The following ESRP1 variants were observed in gnomAD, a reference collection of about 807,000 sequenced individuals.
ESRP1 encodes the protein RNA-binding motif protein 35A.
Under a neutral mutation model 81.7 loss-of-function variants are expected in ESRP1, and 33 were observed. The observed-to-expected ratio is 0.40, with a 90% CI of 0.31 to 0.54. The LOEUF (loss-of-function observed/expected upper bound fraction) is 0.54. ESRP1 is among the 20% of genes least tolerant of loss of function. The probability of loss-of-function intolerance (pLI) is 0.41; values close to 1 mark genes in which losing one functional copy is unlikely to be tolerated. For missense variants in ESRP1, 672 were observed against 833.1 expected (o/e 0.81, Z 2.38); for synonymous variants, 320 against 303.3 (o/e 1.06, Z -0.57).
chr8:94,641,194 A>G lies in ESRP1; in HGVS notation c.-125A>G. 1.1e-6 allele frequency: 1 copy of G among 951,516 alleles called. No homozygotes were observed. The highest frequency in any genetic ancestry group is 1.5e-6 in the Non-Finnish European group (1 of 654,700). The allele number at this position is 951,516 out of a possible 1,614,324, so 58.9% of individuals were successfully genotyped here. A position where few individuals can be genotyped will look rare whatever the true frequency, so the allele number is the denominator to read the frequency against. On this transcript the variant is annotated 5_prime_UTR_variant, in exon 1 of 16. Transcript: ENST00000433389. ...ACCGCCTTTTGCACTAGCAGTAGCAAGGAAGGGGGGTGGGCGCTCTTTCTT... is the reference window on the plus strand; with the variant it reads ...ACCGCCTTTTGCACTAGCAGTAGCAGGGAAGGGGGGTGGGCGCTCTTTCTT...
chr8:94,666,153 ACAT>A lies in ESRP1; in HGVS notation c.931+962_931+964del, dbSNP rs143911834. Among the ~76,000 whole-genome samples the A allele has an allele frequency of 7.3e-3, 1,118 of 152,338 alleles. 11 individuals are homozygous for A. The highest frequency in any genetic ancestry group is 0.026 in the African/African-American group (1,063 of 41,580). On this transcript the variant is annotated intron_variant, in intron 9 of 15. Coordinates refer to ENST00000433389, the MANE Select transcript of ESRP1 (RefSeq NM_017697.4). The stretch of plus-strand genomic sequence containing the variant: ...TATAATTTCCTTTTAATGTATATTA[ACAT>A]CATCCTACATTACTCAATTTTCTTA...
In ESRP1 at chr8:94,706,601, G is replaced by A. The variant is rs981048418; in HGVS notation, c.*712G>A. On this transcript the variant is annotated 3_prime_UTR_variant, in exon 16 of 16. Coordinates refer to ENST00000433389, the MANE Select transcript of ESRP1 (RefSeq NM_017697.4). ...ATCAGTTGTAAATAATGAATTAGGGGCCAAAATGCAAAACGAAAAATGAAG... is the reference window on the plus strand; with the variant it reads ...ATCAGTTGTAAATAATGAATTAGGGACCAAAATGCAAAACGAAAAATGAAG... 6.6e-6 allele frequency: 1 copy of A among 152,564 alleles called. No homozygotes were observed. The highest frequency in any genetic ancestry group is 1.9e-4 in the East Asian group (1 of 5,200). The allele number at this position is 152,564 out of a possible 1,614,324, so 9.5% of individuals were successfully genotyped here.
intron 3 of ESRP1, among the ~76,000 whole-genome samples, chr8:94,643,772 T>C (rs1320524396): frequency 1.3e-5 from 2 of 152,080 alleles, no homozygotes; most frequent in East Asian, 1.9e-4. Context: ...CCGAAGCTAA[T>C]ACAGAGTGTG....
At chr8:94,642,679 G>GA (rs1334334652) in intron 2 of ESRP1, among the ~76,000 whole-genome samples, 1 of 152,182 alleles carries the variant, frequency 6.6e-6, no homozygotes, top group East Asian at 1.9e-4. Flanking sequence ...TGTCACTGCG[G>GA]AACTGATGGA....
chr8:94,683,196 G>A (rs960470990), intron 13 of ESRP1, among the ~76,000 whole-genome samples: 4 of 150,874 alleles, frequency 2.7e-5, no homozygotes, highest in South Asian at 2.1e-4. Flanking sequence ...CGCCCGCCTC[G>A]GCCTCCCAAA....
At position 94,663,460 on chromosome 8, in the gene ESRP1, G is replaced by C. The variant is rs142712067; in HGVS notation, c.644+905G>C. On this transcript the variant is annotated intron_variant, in intron 6 of 15. Coordinates refer to ENST00000433389, the MANE Select transcript of ESRP1 (RefSeq NM_017697.4). ...GGGGTTTTGCCGTGTTGACCAGGCT[G>C]GTCTCAAACTCCTGGCCTCATGTGA... 6.1e-3 allele frequency among the ~76,000 whole-genome samples: 922 copies of C among 152,120 alleles called. 9 individuals are homozygous for C. The highest frequency in any genetic ancestry group is 0.021 in the African/African-American group (870 of 41,478).
In ESRP1 at chr8:94,681,325, CAAAAAAAAAAAAAA is replaced by C. The variant is rs1171703394; in HGVS notation, c.1820+2969_1820+2982del. Among the ~76,000 whole-genome samples, 371 of 31,312 alleles carry C rather than the reference CAAAAAAAAAAAAAA, an allele frequency of 0.012. 27 individuals carry two copies. The Admixed American group carries it at 0.13, about 11-fold the overall frequency. 20.5% of individuals were successfully genotyped at this position (31,312 alleles called of 152,430 possible). A position where few individuals can be genotyped will look rare whatever the true frequency, so the allele number is the denominator to read the frequency against. Reference sequence around the variant, plus strand: ...TGGGTGACAGAGCAAGACTCCATCTCAAAAAAAAAAAAAAAAAAAAAAAAAAAACTGGCTTGGCA... The same window carrying C: ...TGGGTGACAGAGCAAGACTCCATCTCAAAAAAAAAAAAAACTGGCTTGGCA... On this transcript the variant is annotated intron_variant, in intron 13 of 15. Transcript: ENST00000433389.
rs1465855622 is a variant in ESRP1, at chr8:94,706,573, G to C, written c.*684G>C. 6.6e-6 allele frequency: 1 copy of C among 152,564 alleles called. No homozygotes were observed. The highest frequency in any genetic ancestry group is 1.5e-5 in the Non-Finnish European group (1 of 68,034). The allele number at this position is 152,564 out of a possible 1,614,324, so 9.5% of individuals were successfully genotyped here. A position where few individuals can be genotyped will look rare whatever the true frequency, so the allele number is the denominator to read the frequency against. On this transcript the variant is annotated 3_prime_UTR_variant, in exon 16 of 16. Transcript: ENST00000433389. ...AAAAGTTTGGATCTTTTTCTCAGCAGGTATCAGTTGTAAATAATGAATTAG... is the reference window on the plus strand; with the variant it reads ...AAAAGTTTGGATCTTTTTCTCAGCACGTATCAGTTGTAAATAATGAATTAG...
intron 4 of ESRP1, among the ~76,000 whole-genome samples, chr8:94,646,670 T>A (rs1817871081): frequency 1.3e-5 from 2 of 152,194 alleles, no homozygotes; most frequent in Non-Finnish European, 2.9e-5. Context: ...ATAATTTTTT[T>A]AATTGGTGGA....
At position 94,706,579 on chromosome 8, in the gene ESRP1, A is replaced by C. The variant is rs1810077444; in HGVS notation, c.*690A>C. On this transcript the variant is annotated 3_prime_UTR_variant, in exon 16 of 16. Coordinates refer to ENST00000433389, the MANE Select transcript of ESRP1 (RefSeq NM_017697.4). ...TTGGATCTTTTTCTCAGCAGGTATC[A>C]GTTGTAAATAATGAATTAGGGGCCA... 2.6e-5 allele frequency: 4 copies of C among 152,800 alleles called. No individual in the cohort carries two copies. Among genetic ancestry groups the C allele is most frequent in the African/African-American group, 9.6e-5 (4 of 41,592 alleles). The allele number at this position is 152,800 out of a possible 1,614,324, so 9.5% of individuals were successfully genotyped here.
chr8:94,697,217 C>G, intron 15 of ESRP1, among the ~76,000 whole-genome samples: 1 of 152,170 alleles, frequency 6.6e-6, no homozygotes, highest in Non-Finnish European at 1.5e-5. Context: ...AATTTACTAT[C>G]TCTCATGTGG....
At chr8:94,677,716 A>G (rs1006470962) in intron 12 of ESRP1, among the ~76,000 whole-genome samples, 3 of 152,224 alleles carry the variant, frequency 2.0e-5, no homozygotes, top group Non-Finnish European at 4.4e-5. Flanking sequence ...GCTTTGACCT[A>G]ATATGTGGTA....
At chr8:94,672,999 G>A (rs950796750) in intron 11 of ESRP1, among the ~76,000 whole-genome samples, 1 of 152,026 alleles carries the variant, frequency 6.6e-6, no homozygotes, top group African/African-American at 2.4e-5. Flanking sequence ...CTGTAATCTT[G>A]TCTCACTGGA....
At chr8:94,698,554 C>T (rs1253821063) in intron 15 of ESRP1, among the ~76,000 whole-genome samples, 1 of 152,212 alleles carries the variant, frequency 6.6e-6, no homozygotes, top group Admixed American at 6.5e-5. Context: ...GTTTTCTCCT[C>T]AGTCCCCATT....
chr8:94,664,658 G>A (rs754106425), intron 6 of ESRP1, 39 bp from the exon 7 acceptor site: 5 of 1,482,678 alleles, frequency 3.4e-6, no homozygotes, highest in African/African-American at 1.4e-5. Flanking sequence ...TGACTTGCTA[G>A]CATTTATCAT....
chr8:94,655,065 TTGTGTG>T (rs1554575901), intron 4 of ESRP1, among the ~76,000 whole-genome samples: 13 of 147,528 alleles, frequency 8.8e-5, no homozygotes, highest in South Asian at 6.5e-4. Flanking sequence ...TTTGGGTTTT[TTGTGTG>T]TGTGTGTGTG....
At chr8:94,682,948 T>A (rs1351082744) in intron 13 of ESRP1, among the ~76,000 whole-genome samples, 167 of 94,120 alleles carry the variant, frequency 1.8e-3, no homozygotes, top group Non-Finnish European at 2.6e-3. Context: ...TTTTTTTTTT[T>A]TTTTTTTTTT....
chr8:94,678,847 A>C (rs1404689185), intron 13 of ESRP1, among the ~76,000 whole-genome samples: 1 of 152,202 alleles, frequency 6.6e-6, no homozygotes, highest in Non-Finnish European at 1.5e-5. Context: ...ATCCAGAATT[A>C]GATTATTTAG....
At chr8:94,666,902 A>T (rs566152227) in intron 9 of ESRP1, among the ~76,000 whole-genome samples, 3 of 152,296 alleles carry the variant, frequency 2.0e-5, no homozygotes, top group South Asian at 4.1e-4. Flanking sequence ...GGGCACTGCG[A>T]TAAGAATTTG....
Sources: gnomAD v4.1 joint callset for allele counts (sites outside exome capture counted in the v4.1 genomes callset) on GRCh38, gnomAD v4.1.1 for gene constraint, MANE v1.5 for transcripts, NCBI Gene and HGNC (gene_info 2026-07-23, HGNC 2026-07-21) for gene names.